Variants in AGK observed in about 807,000 individuals in gnomAD.
AGK encodes acylglycerol kinase.
AGK carries 52 observed loss-of-function variants against 66.4 expected under a neutral mutation model. The observed-to-expected ratio is 0.78, with a 90% confidence interval of 0.63 to 0.99. AGK has a LOEUF of 0.99. AGK is among the 50% of genes least tolerant of loss of function. AGK has a pLI of 0.00. For missense variants in AGK, 451 were observed against 506.6 expected (o/e 0.89, Z 1.05); for synonymous variants, 182 against 181.1 (o/e 1.00, Z -0.04).
chr7:141,617,367 G>A (rs1796730152), intron 8 of AGK, among the ~76,000 whole-genome samples: 1 of 152,134 alleles, frequency 6.6e-6, no homozygotes, highest in East Asian at 1.9e-4. Context: ...TACTGTTGCT[G>A]CTGCTATTTA....
intron 5 of AGK, among the ~76,000 whole-genome samples, chr7:141,602,531 A>T (rs1431931558): frequency 6.6e-6 from 1 of 151,942 alleles, no homozygotes; most frequent in Non-Finnish European, 1.5e-5. Context: ...AGCATATGTA[A>T]TGTCTCATTT....
At chr7:141,652,516 T>TA (rs1797586837) in intron 15 of AGK, 3 of 299,740 alleles carry the variant, frequency 1.0e-5, no homozygotes, top group African/African-American at 6.3e-5. Context: ...AACCATGTTG[T>TA]TCAAATCCCA....
intron 1 of AGK, among the ~76,000 whole-genome samples, chr7:141,553,605 C>T (rs1317489193): frequency 1.3e-5 from 2 of 152,176 alleles, no homozygotes; most frequent in Non-Finnish European, 2.9e-5. Context: ...TCTGCCCTCA[C>T]CCCCAGCACA....
chr7:141,583,357 GGT>G (rs1795922137), intron 2 of AGK, among the ~76,000 whole-genome samples: 1 of 151,386 alleles, frequency 6.6e-6, no homozygotes, highest in East Asian at 1.9e-4. Context: ...GGAGAGAAGG[GGT>G]GGGGGTGCTT....
chr7:141,582,316 T>C (rs1795898866), intron 2 of AGK, among the ~76,000 whole-genome samples: 1 of 152,000 alleles, frequency 6.6e-6, no homozygotes, highest in Non-Finnish European at 1.5e-5. Context: ...TTGGAAGTTC[T>C]TGTGTGCTGG....
At chr7:141,572,810 G>C (rs530650979) in intron 2 of AGK, among the ~76,000 whole-genome samples, 34 of 152,240 alleles carry the variant, frequency 2.2e-4, no homozygotes, top group Non-Finnish European at 3.1e-4. Context: ...CTATGGGGGG[G>C]GGAAATGTGT....
intron 2 of AGK, among the ~76,000 whole-genome samples, chr7:141,567,877 G>A (rs1795504403): frequency 1.3e-5 from 2 of 152,234 alleles, no homozygotes; most frequent in Admixed American, 1.3e-4. Flanking sequence ...CTTCCTAGCA[G>A]TGTGACCCTG....
intron 1 of AGK, among the ~76,000 whole-genome samples, chr7:141,553,249 A>G (rs1321868862): frequency 6.6e-6 from 1 of 152,088 alleles, no homozygotes; most frequent in Admixed American, 6.5e-5. Flanking sequence ...TTATGACCCA[A>G]TTATCTCCCG....
chr7:141,551,517 G>T, intron 1 of AGK, 83 bp downstream of exon 1: 1 of 153,124 alleles, frequency 6.5e-6, no homozygotes, highest in Non-Finnish European at 1.5e-5. Context: ...TCGGGATGGG[G>T]GCCCGGGGCG....
At chr7:141,573,467 A>G (rs776648729) in intron 2 of AGK, among the ~76,000 whole-genome samples, 2 of 152,150 alleles carry the variant, frequency 1.3e-5, no homozygotes, top group Non-Finnish European at 2.9e-5. Flanking sequence ...TGTTGATTTC[A>G]CATGATTTTA....
chr7:141,576,170 A>T (rs761016932), intron 2 of AGK, among the ~76,000 whole-genome samples: 15 of 152,192 alleles, frequency 9.9e-5, no homozygotes, highest in Non-Finnish European at 1.6e-4. Flanking sequence ...AAATATATCA[A>T]TAAATTTTCA....
rs1295787021 is a variant in AGK at position 141,611,278 on chromosome 7, A to G, written c.381A>G (p.Thr127=). 1 of 1,610,876 alleles carries G rather than the reference A, an allele frequency of 6.2e-7. No individual in the cohort carries two copies. Among genetic ancestry groups the G allele is most frequent in the African/African-American group, 1.3e-5 (1 of 74,980 alleles). ...DVIIVAGGDG[T]LQEVVTGVLR... ...TCATTGTTGCAGGAGGAGATGGGAC[A>G]CTGCAGGAGGTATGACTGTTTTTCT... Residue 127 remains threonine (T), a synonymous_variant, in exon 6 of 16, where the codon ACA becomes ACG. Coordinates refer to ENST00000649286, the MANE Select transcript of AGK (RefSeq NM_018238.4).
At chr7:141,607,766 A>G (rs1290067342) in intron 5 of AGK, among the ~76,000 whole-genome samples, 1 of 151,818 alleles carries the variant, frequency 6.6e-6, no homozygotes, top group African/African-American at 2.4e-5. Flanking sequence ...TAGGCCTATG[A>G]TCCATTTTGA....
chr7:141,593,146 T>A lies in AGK; in HGVS notation c.102T>A (p.Cys34Ter). 1 of 1,611,138 alleles carries A rather than the reference T, an allele frequency of 6.2e-7. No individual in the cohort carries two copies. The highest frequency in any genetic ancestry group is 8.5e-7 in the Non-Finnish European group (1 of 1,179,110). The change falls in exon 3 of 16, where the codon TGT (cysteine) becomes TGA (stop). Residue 34 changes from cysteine to a stop codon, truncating the protein, a stop_gained and splice_region_variant. Coordinates refer to ENST00000649286, the MANE Select transcript of AGK (RefSeq NM_018238.4). LOFTEE classifies it high-confidence loss of function. ...TATTCTCTTTTGCTTACTTTGATAG[T>A]GATAACCTCCTAAGGAGAGCAGCCT... is the stretch of plus-strand genomic sequence containing the variant. ...WGGHWLYGKH[C>*]DNLLRRAACQ... is the part of the protein sequence containing the mutation.
At chr7:141,570,169 C>T (rs183415938) in intron 2 of AGK, among the ~76,000 whole-genome samples, 9 of 152,174 alleles carry the variant, frequency 5.9e-5, no homozygotes, top group African/African-American at 1.2e-4. Context: ...AGGCGGATCA[C>T]GAGGTCAGGA....
At chr7:141,603,971 C>T (rs1305777789) in intron 5 of AGK, among the ~76,000 whole-genome samples, 1 of 152,152 alleles carries the variant, frequency 6.6e-6, no homozygotes, top group African/African-American at 2.4e-5. Flanking sequence ...TCATCTTACA[C>T]TGTCTAACCC....
At chr7:141,614,047 A>G in intron 6 of AGK, 99 bp from the exon 7 acceptor site, 1 of 843,262 alleles carries the variant, frequency 1.2e-6, no homozygotes, top group Admixed American at 2.4e-5. Flanking sequence ...TAAGAAGAAA[A>G]CAGGAGTAAG....
At position 141,641,417 on chromosome 7, in the gene AGK, A is replaced by G. The variant is rs1227381092; in HGVS notation, c.877+19A>G. ...CAGGATGGTGAGCAATGTGGCGACT[A>G]AAGATTGGAGGGCCCTGGTCAGTTT... On this transcript the variant is annotated intron_variant, in intron 12 of 15. Coordinates refer to ENST00000649286, the MANE Select transcript of AGK (RefSeq NM_018238.4). The G allele has an allele frequency of 1.9e-6, 3 of 1,604,038 alleles. No homozygotes were observed. Among genetic ancestry groups the G allele is most frequent in the Non-Finnish European group, 2.5e-6 (3 of 1,176,616 alleles).
chr7:141,646,313 C>T (rs889519306), intron 13 of AGK, among the ~76,000 whole-genome samples: 42 of 151,936 alleles, frequency 2.8e-4, no homozygotes, highest in Admixed American at 2.5e-3. Flanking sequence ...AGTGAGCAGG[C>T]GGGACAGTCT....
Sources: allele counts gnomAD v4.1 joint callset (sites outside exome capture counted in the v4.1 genomes callset), GRCh38; gene constraint gnomAD v4.1.1; transcripts MANE v1.5; gene names NCBI Gene and HGNC (gene_info 2026-07-23, HGNC 2026-07-21).